Variants in ECE1 observed in about 807,000 individuals in gnomAD.
ECE1 encodes endothelin converting enzyme 1, also known as endothelin-converting enzyme 1.
Under a neutral mutation model 98.6 loss-of-function variants are expected in ECE1, and 35 were observed. The observed-to-expected ratio is 0.35, with a 90% CI of 0.27 to 0.47. The LOEUF (loss-of-function observed/expected upper bound fraction) is 0.47. Among genes scored for constraint, ECE1 ranks in the 20% least tolerant of loss-of-function variants. The pLI is 1.00. For missense variants in ECE1, 814 were observed against 1,025.3 expected (o/e 0.79, Z 2.81); for synonymous variants, 394 against 407.1 (o/e 0.97, Z 0.39).
intron 8 of ECE1, among the ~76,000 whole-genome samples, chr1:21,248,636 T>G (rs1273099024): frequency 6.6e-6 from 1 of 152,054 alleles, no homozygotes; most frequent in African/African-American, 2.4e-5. Flanking sequence ...TCTTTTCTTT[T>G]TTTTTTGAGA....
At chr1:21,269,557 T>C (rs1352222066) in intron 4 of ECE1, among the ~76,000 whole-genome samples, 1 of 152,218 alleles carries the variant, frequency 6.6e-6, no homozygotes, top group African/African-American at 2.4e-5. Context: ...TCTGCAGTCA[T>C]ACAGCTTGTT....
At chr1:21,240,609 CTCT>C (rs778684968) in intron 10 of ECE1, among the ~76,000 whole-genome samples, 1 of 152,222 alleles carries the variant, frequency 6.6e-6, no homozygotes, top group African/African-American at 2.4e-5. Flanking sequence ...GGAAGGGCCA[CTCT>C]TCTTCTTACC....
rs2098188722 is a variant in ECE1 at position 21,236,729 on chromosome 1, T to TAG, written c.1488+16_1488+17insCT. 6.2e-7 allele frequency: 1 copy of TAG among 1,613,128 alleles called. No homozygotes were observed. Among genetic ancestry groups the TAG allele is most frequent in the Non-Finnish European group, 8.5e-7 (1 of 1,179,594 alleles). On this transcript the variant is annotated intron_variant, in intron 12 of 18. Coordinates refer to ENST00000374893, the MANE Select transcript of ECE1 (RefSeq NM_001397.3). ...TGGACGCCGCAGCACCCCCTCCAAG[T>TAG]GCCTGGCCAGCCTCACCTTTTCCTT...
In ECE1 at chr1:21,244,973, G is replaced by A. The variant is rs1355338729; in HGVS notation, c.1278+16C>T. ...GCGCTCAGCCCATATTCAGGCATAC[G>A]CAGTAGCAGGCTCACCTTCTTGGTC... is the stretch of plus-strand genomic sequence containing the variant. On this transcript the variant is annotated intron_variant, in intron 10 of 18. Coordinates refer to ENST00000374893, the MANE Select transcript of ECE1 (RefSeq NM_001397.3). 6 of 1,607,288 alleles carry A rather than the reference G, an allele frequency of 3.7e-6. No homozygotes were observed. The highest frequency in any genetic ancestry group is 5.1e-6 in the Non-Finnish European group (6 of 1,174,016).
In ECE1 at chr1:21,321,551, A is replaced by T. The variant is rs566283753; in HGVS notation, c.3+23825T>A. Among the ~76,000 whole-genome samples, 71 of 152,302 alleles carry T rather than the reference A, an allele frequency of 4.7e-4. 1 individual carries two copies. Among genetic ancestry groups the T allele is most frequent in the Non-Finnish European group, 9.1e-4 (62 of 68,020 alleles). The stretch of plus-strand genomic sequence containing the variant: ...GCACCTACGGTGTGTTGGGCCAGGC[A>T]CCAGGCTTGTCATGCACTTATTATC... On this transcript the variant is annotated intron_variant, in intron 1 of 18. Transcript: ENST00000415912.
At chr1:21,222,193 CA>C (rs757024044) in intron 17 of ECE1, 44 of 330,536 alleles carry the variant, frequency 1.3e-4, no homozygotes, top group Admixed American at 3.4e-4. Context: ...CACACATACA[CA>C]CAACTTTTCC....
chr1:21,278,452 G>A (rs1304461447), intron 3 of ECE1, among the ~76,000 whole-genome samples: 2 of 152,234 alleles, frequency 1.3e-5, no homozygotes, highest in African/African-American at 2.4e-5. Flanking sequence ...AGCTCTCCTG[G>A]GGGTGTAATG....
intron 14 of ECE1, among the ~76,000 whole-genome samples, chr1:21,230,952 CTGAG>C (rs1001263992): frequency 6.6e-5 from 10 of 152,202 alleles, no homozygotes; most frequent in African/African-American, 1.9e-4. Context: ...CCTCAGCCTC[CTGAG>C]TAACTGGGAT....
rs2098224879 is a variant in ECE1 at position 21,260,161 on chromosome 1, C to T, written c.615+110G>A. On this transcript the variant is annotated intron_variant, in intron 5 of 18. Transcript: ENST00000374893. This position sits in a 1 kb window ranked among gnomAD's most constrained non-coding sequence, Gnocchi z 4.3. ...CTTTCTGTCTTTCTCTTGGTGCTAC[C>T]GGCTGGACGTATGAGGTGGGCCAGT... The T allele has an allele frequency of 5.4e-6, 8 of 1,492,308 alleles. No individual in the cohort carries two copies. The highest frequency in any genetic ancestry group is 1.1e-5 in the South Asian group (1 of 88,432). The allele number at this position is 1,492,308 out of a possible 1,614,324, so 92.4% of individuals were successfully genotyped here.
chr1:21,239,247 G>A (rs1301547637), intron 10 of ECE1, among the ~76,000 whole-genome samples: 2 of 152,150 alleles, frequency 1.3e-5, no homozygotes, highest in African/African-American at 4.8e-5. Flanking sequence ...CAACCTCCTG[G>A]GCATGGCCCA....
At chr1:21,238,874 G>A (rs551442558) in intron 10 of ECE1, among the ~76,000 whole-genome samples, 4 of 151,928 alleles carry the variant, frequency 2.6e-5, no homozygotes, top group African/African-American at 9.7e-5. Context: ...GTGCAGTGGT[G>A]CGATCACACA....
intron 10 of ECE1, among the ~76,000 whole-genome samples, chr1:21,242,527 C>T (rs2098197875): frequency 6.6e-6 from 1 of 152,214 alleles, no homozygotes; most frequent in Non-Finnish European, 1.5e-5. Context: ...GGGACCTGGC[C>T]TGGGCCCAGA....
chr1:21,225,206 A>G lies in ECE1; in HGVS notation c.2040+44T>C. 1 of 1,608,256 alleles carries G rather than the reference A, an allele frequency of 6.2e-7. No homozygotes were observed. Among genetic ancestry groups the G allele is most frequent in the Non-Finnish European group, 8.5e-7 (1 of 1,176,840 alleles). On this transcript the variant is annotated intron_variant, in intron 17 of 18. Transcript: ENST00000374893. This position sits in a 1 kb window ranked among gnomAD's most constrained non-coding sequence, Gnocchi z 5.3. Reference sequence around the variant, plus strand: ...CCTCTACGGACAGGCATCTGGAAGGAGCCAGCACTGGGACCGTGCGCGTGT... The same window carrying G: ...CCTCTACGGACAGGCATCTGGAAGGGGCCAGCACTGGGACCGTGCGCGTGT...
At chr1:21,311,745 G>C (rs895527394) in intron 1 of ECE1, among the ~76,000 whole-genome samples, 1 of 151,814 alleles carries the variant, frequency 6.6e-6, no homozygotes, top group Non-Finnish European at 1.5e-5. Context: ...AGCCCTAGGA[G>C]GTTGAGGTTG....
At chr1:21,270,413 T>C (rs3026870) in intron 4 of ECE1, among the ~76,000 whole-genome samples, 193 of 152,324 alleles carry the variant, frequency 1.3e-3, no homozygotes, top group African/African-American at 4.2e-3. Context: ...GGAGCTAATG[T>C]CTGTCCCTTG....
chr1:21,253,563 C>A (rs781608971), intron 8 of ECE1, among the ~76,000 whole-genome samples: 37 of 148,996 alleles, frequency 2.5e-4, no homozygotes, highest in Non-Finnish European at 4.5e-4. Context: ...GAGATCGAGA[C>A]CATCCTGGCT....
At chr1:21,267,088 G>GT (rs2098234814) in intron 4 of ECE1, 2 of 152,204 alleles carry the variant, frequency 1.3e-5, no homozygotes, top group African/African-American at 4.8e-5. Flanking sequence ...GAGGGGGCCA[G>GT]TTCCCCCCTC....
At chr1:21,274,741 C>A (rs2098244500) in intron 3 of ECE1, among the ~76,000 whole-genome samples, 1 of 152,176 alleles carries the variant, frequency 6.6e-6, no homozygotes, top group Admixed American at 6.5e-5. Context: ...GGGCTCAGAG[C>A]AGCTGCACAA....
intron 10 of ECE1, among the ~76,000 whole-genome samples, chr1:21,239,466 C>A (rs908053080): frequency 6.6e-6 from 1 of 152,226 alleles, no homozygotes; most frequent in African/African-American, 2.4e-5. Flanking sequence ...AAACTGACAA[C>A]AGCCAAAATG....
Sources: allele counts gnomAD v4.1 joint callset (sites outside exome capture counted in the v4.1 genomes callset), GRCh38; gene constraint gnomAD v4.1.1; non-coding constraint Gnocchi (gnomAD v3.1); transcripts MANE v1.5; gene names NCBI Gene and HGNC (gene_info 2026-07-23, HGNC 2026-07-21).